Variants in THSD7B observed in about 807,000 individuals in gnomAD.
THSD7B encodes the protein thrombospondin type-1 domain-containing protein 7B.
THSD7B carries 138 observed loss-of-function variants against 213.6 expected under a neutral mutation model. That is an observed-to-expected ratio of 0.65 (90% confidence interval 0.56 to 0.74). The LOEUF is 0.74. Ranked by LOEUF, THSD7B falls within the 30% of genes least tolerant of loss-of-function variation. The probability of loss-of-function intolerance (pLI) is 0.00; values close to 1 mark genes in which losing one functional copy is unlikely to be tolerated. For synonymous variants in THSD7B, 742 were observed against 687.0 expected, an observed-to-expected ratio of 1.08 and a Z score of -1.25; for missense variants, 1,931 against 1,991.5, an observed-to-expected ratio of 0.97 and a Z score of 0.58.
chr2:136,922,880 C>T (rs545614772), intron 2 of THSD7B, among the ~76,000 whole-genome samples: 1 of 152,128 alleles, frequency 6.6e-6, no homozygotes, highest in African/African-American at 2.4e-5. Context: ...AAGTGCCATT[C>T]CTCTATTTGT....
chr2:136,824,863 T>G (rs1682619285), intron 1 of THSD7B, among the ~76,000 whole-genome samples: 1 of 152,180 alleles, frequency 6.6e-6, no homozygotes. Context: ...ATTACTGTAT[T>G]TTTCTAAGGG....
intron 7 of THSD7B, among the ~76,000 whole-genome samples, chr2:137,172,425 A>G (rs566548528): frequency 2.0e-5 from 3 of 152,242 alleles, no homozygotes; most frequent in Admixed American, 2.0e-4. Flanking sequence ...GATCCTACTT[A>G]CATAAACACC....
intron 12 of THSD7B, among the ~76,000 whole-genome samples, chr2:137,317,042 A>G (rs1462204023): frequency 6.6e-6 from 1 of 152,206 alleles, no homozygotes; most frequent in African/African-American, 2.4e-5. Context: ...TCTTTTGTAA[A>G]CATAATTCTT....
At position 136,914,385 on chromosome 2, in the gene THSD7B, T is replaced by G. The variant is rs559763521; in HGVS notation, c.139+32068T>G. On this transcript the variant is annotated intron_variant, in intron 2 of 27. Coordinates refer to ENST00000409968, the MANE Select transcript of THSD7B (RefSeq NM_001316349.2). ...CTTTTGAGTTAATGCTGAAATGAGTTTATACTTTGGCAGACTGTTGGGAAG... is the reference window on the plus strand; with the variant it reads ...CTTTTGAGTTAATGCTGAAATGAGTGTATACTTTGGCAGACTGTTGGGAAG... 4.6e-5 allele frequency among the ~76,000 whole-genome samples: 7 copies of G among 152,282 alleles called. No homozygotes were observed. The East Asian group carries it at 1.4e-3, about 29-fold the overall frequency.
At chr2:136,889,048 G>C (rs1262312906) in intron 2 of THSD7B, among the ~76,000 whole-genome samples, 1 of 151,872 alleles carries the variant, frequency 6.6e-6, no homozygotes, top group Non-Finnish European at 1.5e-5. Flanking sequence ...TCTAGAGCTT[G>C]TAGTATATAT....
chr2:137,242,499 T>C lies in THSD7B; in HGVS notation c.2193T>C (p.Phe731=). ...STRPETVRPC[F]LPCKKDCIVT... is the part of the protein sequence containing the mutation. ...GACCTGAAACTGTGCGCCCCTGTTT[T>C]CTCCCATGCAAAAAAGACTGTATTG... Residue 731 remains phenylalanine, a synonymous_variant, in exon 10 of 28, where the codon TTT becomes TTC. Coordinates refer to ENST00000409968, the MANE Select transcript of THSD7B (RefSeq NM_001316349.2). 1 of 1,613,874 alleles carries C rather than the reference T, an allele frequency of 6.2e-7. No homozygotes were observed. Among genetic ancestry groups the C allele is most frequent in the Non-Finnish European group, 8.5e-7 (1 of 1,179,802 alleles).
chr2:137,600,943 C>T (rs148520389), intron 17 of THSD7B, among the ~76,000 whole-genome samples: 37 of 151,668 alleles, frequency 2.4e-4, no homozygotes, highest in African/African-American at 8.2e-4. Context: ...TAAGCTAAAA[C>T]GTGTATTTAT....
chr2:137,367,633 CACAG>C (rs1685450938), intron 12 of THSD7B, among the ~76,000 whole-genome samples: 1 of 152,022 alleles, frequency 6.6e-6, no homozygotes, highest in South Asian at 2.1e-4. Context: ...AACAAAACAC[CACAG>C]ACTGAGTGGC....
At chr2:136,943,277 T>A (rs1183364170) in intron 2 of THSD7B, among the ~76,000 whole-genome samples, 2 of 152,194 alleles carry the variant, frequency 1.3e-5, no homozygotes, top group Non-Finnish European at 2.9e-5. Flanking sequence ...CTGGATTCAG[T>A]TTGCCAGTAT....
At chr2:136,984,983 G>A (rs1685646396) in intron 2 of THSD7B, among the ~76,000 whole-genome samples, 1 of 152,148 alleles carries the variant, frequency 6.6e-6, no homozygotes, top group Admixed American at 6.5e-5. Context: ...TAGGAGTGAT[G>A]ACTTAGGGTA....
At chr2:137,301,610 A>G (rs1275196731) in intron 12 of THSD7B, among the ~76,000 whole-genome samples, 2 of 151,636 alleles carry the variant, frequency 1.3e-5, no homozygotes, top group Non-Finnish European at 2.9e-5. Flanking sequence ...TATTTAAAAT[A>G]TTAATTTAAT....
At chr2:136,959,773 G>A (rs1685186438) in intron 2 of THSD7B, among the ~76,000 whole-genome samples, 1 of 152,104 alleles carries the variant, frequency 6.6e-6, no homozygotes, top group Admixed American at 6.6e-5. Flanking sequence ...CATAAACATA[G>A]GAGTGTTTCT....
At chr2:137,527,968 T>C (rs776021123) in intron 15 of THSD7B, among the ~76,000 whole-genome samples, 4 of 152,098 alleles carry the variant, frequency 2.6e-5, no homozygotes, top group Non-Finnish European at 5.9e-5. Flanking sequence ...GAGCCTACCA[T>C]GAACTTTTCA....
At chr2:137,650,508 A>G (rs1341402912) in intron 21 of THSD7B, among the ~76,000 whole-genome samples, 1 of 152,196 alleles carries the variant, frequency 6.6e-6, no homozygotes, top group Non-Finnish European at 1.5e-5. Context: ...TTGTAAGTAT[A>G]AGATCATATC....
chr2:137,230,487 A>T (rs542325303), intron 7 of THSD7B, among the ~76,000 whole-genome samples: 40 of 152,276 alleles, frequency 2.6e-4, no homozygotes, highest in African/African-American at 9.4e-4. Flanking sequence ...TGTCAACTTT[A>T]TGTCAACACG....
intron 16 of THSD7B, among the ~76,000 whole-genome samples, chr2:137,566,285 T>G (rs1174277551): frequency 6.6e-6 from 1 of 152,208 alleles, no homozygotes; most frequent in African/African-American, 2.4e-5. Flanking sequence ...TGAGTCGAAT[T>G]TGGTCCATTT....
At chr2:136,778,062 C>T (rs896477664) in intron 1 of THSD7B, among the ~76,000 whole-genome samples, 3 of 152,100 alleles carry the variant, frequency 2.0e-5, no homozygotes, top group Non-Finnish European at 4.4e-5. Context: ...GAAGGGCATA[C>T]TTATAGAATA....
At chr2:137,427,453 G>T (rs907023472) in intron 14 of THSD7B, among the ~76,000 whole-genome samples, 1 of 151,712 alleles carries the variant, frequency 6.6e-6, no homozygotes, top group Non-Finnish European at 1.5e-5. Flanking sequence ...TGGTGTGTGG[G>T]GTATGTGCTT....
chr2:137,073,007 A>C (rs1299467229), intron 3 of THSD7B, among the ~76,000 whole-genome samples: 1 of 152,144 alleles, frequency 6.6e-6, no homozygotes, highest in Non-Finnish European at 1.5e-5. Flanking sequence ...TCAGTTTGCC[A>C]GTATTTTATT....
Sources: gnomAD v4.1 joint callset for allele counts (sites outside exome capture counted in the v4.1 genomes callset) on GRCh38, gnomAD v4.1.1 for gene constraint, MANE v1.5 for transcripts, NCBI Gene and HGNC (gene_info 2026-07-23, HGNC 2026-07-21) for gene names.